ATG4C: variants seen among roughly 807,000 people sequenced by gnomAD.
The protein encoded by ATG4C is autophagy related 4C cysteine peptidase, also known as cysteine protease ATG4C.
ATG4C carries 56 observed loss-of-function variants against 57.6 expected under a neutral mutation model. That is an observed-to-expected ratio of 0.97 (90% CI 0.78 to 1.21). The LOEUF (loss-of-function observed/expected upper bound fraction) is 1.21, where lower values mean the gene tolerates loss of function less well. ATG4C is among the 50% of genes most tolerant of loss of function. The pLI, the probability that ATG4C is intolerant of heterozygous loss-of-function variation, is 0.00. For missense variants in ATG4C, 595 were observed against 529.8 expected (o/e 1.12, Z -1.21); for synonymous variants, 157 against 174.1 (o/e 0.90, Z 0.78).
chr1:62,830,479 G>C (rs866390281), intron 7 of ATG4C, among the ~76,000 whole-genome samples: 2 of 152,114 alleles, frequency 1.3e-5, no homozygotes, highest in African/African-American at 4.8e-5. Flanking sequence ...TGGTGGAATG[G>C]GTTGCAAATG....
At chr1:62,841,639 T>C (rs1478110549) in intron 10 of ATG4C, 92 bp downstream of exon 10, 2 of 1,081,444 alleles carry the variant, frequency 1.8e-6, no homozygotes, top group Non-Finnish European at 1.3e-6. Flanking sequence ...TATAATTTTT[T>C]ATAAAATTTC....
At chr1:62,834,653 A>G in intron 8 of ATG4C, 123 bp from the exon 9 acceptor site, 1 of 692,766 alleles carries the variant, frequency 1.4e-6, no homozygotes, top group Non-Finnish European at 2.5e-6. Flanking sequence ...CAGTCAATGA[A>G]TATCAGTCTG....
At position 62,824,657 on chromosome 1, in the gene ATG4C, TTC is replaced by T. The variant is rs1444167300; in HGVS notation, c.796+3460_796+3461del. ...TCATACCAGAACTGCTCTTTTCTCT[TTC>T]TCTCTCTCTCTTTTTTTTTTTTTTT... On this transcript the variant is annotated intron_variant, in intron 6 of 10. Coordinates refer to ENST00000317868, the MANE Select transcript of ATG4C (RefSeq NM_032852.4). Among the ~76,000 whole-genome samples the T allele has an allele frequency of 2.0e-5, 3 of 147,348 alleles. No homozygotes were observed. The Admixed American group carries it at 2.1e-4, about 10-fold the overall frequency.
chr1:62,847,679 G>T (rs1666369971), intron 10 of ATG4C, among the ~76,000 whole-genome samples: 1 of 152,132 alleles, frequency 6.6e-6, no homozygotes, highest in African/African-American at 2.4e-5. Flanking sequence ...AAGACTCTTG[G>T]AAGCCATGAA....
At chr1:62,855,522 A>T (rs72919104) in intron 10 of ATG4C, among the ~76,000 whole-genome samples, 165 of 152,098 alleles carry the variant, frequency 1.1e-3, no homozygotes, top group African/African-American at 3.9e-3. Context: ...TTATTTGATT[A>T]TGGAATGCAT....
chr1:62,832,193 G>A (rs188277639), intron 7 of ATG4C, among the ~76,000 whole-genome samples: 1 of 151,238 alleles, frequency 6.6e-6, no homozygotes, highest in Non-Finnish European at 1.5e-5. Flanking sequence ...TGCTTTCTCT[G>A]TTTAATTTTT....
At chr1:62,838,439 T>C (rs796533420) in intron 9 of ATG4C, among the ~76,000 whole-genome samples, 11 of 152,312 alleles carry the variant, frequency 7.2e-5, no homozygotes, top group African/African-American at 2.6e-4. Context: ...GATTGTGAAT[T>C]GTAAATTCAT....
At position 62,784,167 on chromosome 1, in the gene ATG4C, T is replaced by C. The variant is rs1012750183; in HGVS notation, c.-175T>C. 3 of 153,278 alleles carry C rather than the reference T, an allele frequency of 2.0e-5. No individual in the cohort carries two copies. Among genetic ancestry groups the C allele is most frequent in the Admixed American group, 6.5e-5 (1 of 15,294 alleles). 9.5% of individuals were successfully genotyped at this position (153,278 alleles called of 1,614,324 possible). On this transcript the variant is annotated 5_prime_UTR_variant, in exon 1 of 11. Coordinates refer to ENST00000317868, the MANE Select transcript of ATG4C (RefSeq NM_032852.4). Reference sequence around the variant, plus strand: ...TAGCTGCGGCGCTGAGGTCGGAACGTCTGCGTGTGTGCGGGCTGGTTTTGT... The same window carrying C: ...TAGCTGCGGCGCTGAGGTCGGAACGCCTGCGTGTGTGCGGGCTGGTTTTGT...
At chr1:62,852,563 A>G (rs1666549699) in intron 10 of ATG4C, among the ~76,000 whole-genome samples, 1 of 151,924 alleles carries the variant, frequency 6.6e-6, no homozygotes, top group Admixed American at 6.6e-5. Flanking sequence ...TCTCCTAGCC[A>G]TACTCCCACT....
At chr1:62,835,598 T>G (rs1665974889) in intron 9 of ATG4C, 1 of 164,958 alleles carries the variant, frequency 6.1e-6, no homozygotes, top group Non-Finnish European at 1.3e-5. Context: ...TACTTTGTTT[T>G]AGTAATTGCT....
intron 10 of ATG4C, among the ~76,000 whole-genome samples, chr1:62,847,639 T>G (rs1666368270): frequency 6.6e-6 from 1 of 152,174 alleles, no homozygotes; most frequent in South Asian, 2.1e-4. Flanking sequence ...CTAATCATAA[T>G]GGACCTAATA....
At chr1:62,827,035 G>A (rs1243995544) in intron 6 of ATG4C, among the ~76,000 whole-genome samples, 1 of 152,106 alleles carries the variant, frequency 6.6e-6, no homozygotes, top group Non-Finnish European at 1.5e-5. Flanking sequence ...TACTCCATAG[G>A]CAGAGCAGCC....
In ATG4C at chr1:62,865,342, A is replaced by G. The variant is rs779345612; in HGVS notation, c.*1183A>G. On this transcript the variant is annotated 3_prime_UTR_variant, in exon 11 of 11. Coordinates refer to ENST00000317868, the MANE Select transcript of ATG4C (RefSeq NM_032852.4). The stretch of plus-strand genomic sequence containing the variant: ...GACTTATAAAGACATAAAATTGTGT[A>G]TCATCTAAAGTCATTGATCTCTTCC... 1.2e-4 allele frequency: 18 copies of G among 152,036 alleles called. No homozygotes were observed. Among genetic ancestry groups the G allele is most frequent in the Non-Finnish European group, 2.1e-4 (14 of 67,828 alleles). The allele number at this position is 152,036 out of a possible 1,614,324, so 9.4% of individuals were successfully genotyped here. A position where few individuals can be genotyped will look rare whatever the true frequency, so the allele number is the denominator to read the frequency against.
rs1190017291 is a variant in ATG4C at position 62,865,133 on chromosome 1, T to C, written c.*974T>C. The C allele has an allele frequency of 6.6e-6, 1 of 151,928 alleles. No individual in the cohort carries two copies. The highest frequency in any genetic ancestry group is 2.4e-5 in the African/African-American group (1 of 41,428). 9.4% of individuals were successfully genotyped at this position (151,928 alleles called of 1,614,324 possible). A position where few individuals can be genotyped will look rare whatever the true frequency, so the allele number is the denominator to read the frequency against. On this transcript the variant is annotated 3_prime_UTR_variant, in exon 11 of 11. Transcript: ENST00000317868. ...TTTTGAGCTAGGATTATAAAATACA[T>C]AATAAAGATGTGAGAAGATAAAATG... is the stretch of plus-strand genomic sequence containing the variant.
chr1:62,834,759 C>A lies in ATG4C; in HGVS notation c.1013-17C>A, dbSNP rs774859527. On this transcript the variant is annotated splice_polypyrimidine_tract_variant and intron_variant, in intron 8 of 10. Transcript: ENST00000317868. ...AGGTGTTTTTTGAATTACTTGTCTT[C>A]TGTTTTGTCCTTGTAGATGACAGTT... The A allele has an allele frequency of 6.2e-7, 1 of 1,600,386 alleles. No homozygotes were observed. Among genetic ancestry groups the A allele is most frequent in the Non-Finnish European group, 8.6e-7 (1 of 1,169,178 alleles).
chr1:62,801,844 G>T (rs1317874502), intron 1 of ATG4C, among the ~76,000 whole-genome samples: 1 of 149,146 alleles, frequency 6.7e-6, no homozygotes, highest in African/African-American at 2.5e-5. Context: ...TGGAGTCCCA[G>T]TTACTCGGGA....
chr1:62,797,924 A>G (rs113597230), intron 1 of ATG4C, among the ~76,000 whole-genome samples: 5,986 of 152,206 alleles, frequency 0.039, 425 homozygotes, highest in African/African-American at 0.14. Context: ...GGTTGAAGCA[A>G]TTCTTCTGCC....
At chr1:62,841,370 T>C (rs1666160351) in intron 9 of ATG4C, 58 bp from the exon 10 acceptor site, 4 of 1,403,842 alleles carry the variant, frequency 2.8e-6, no homozygotes, top group African/African-American at 1.5e-5. Flanking sequence ...AAATAATAGT[T>C]TTATATATAC....
At chr1:62,836,289 G>C (rs759228534) in intron 9 of ATG4C, among the ~76,000 whole-genome samples, 1 of 152,082 alleles carries the variant, frequency 6.6e-6, no homozygotes, top group Middle Eastern at 3.2e-3. Context: ...AGATTTTACT[G>C]TGTAAGGTAA....
Sources: allele counts gnomAD v4.1 joint callset (sites outside exome capture counted in the v4.1 genomes callset), GRCh38; gene constraint gnomAD v4.1.1; transcripts MANE v1.5; gene names NCBI Gene and HGNC (gene_info 2026-07-23, HGNC 2026-07-21).